Variants in KIF5A observed in about 807,000 individuals in gnomAD.
KIF5A encodes kinesin heavy chain isoform 5A.
Under a neutral mutation model 141.3 loss-of-function variants are expected in KIF5A, and 35 were observed. That is an observed-to-expected ratio of 0.25 (90% CI 0.19 to 0.33). The LOEUF is 0.33. Among genes scored for constraint, KIF5A ranks in the 10% least tolerant of loss-of-function variants. The pLI is 1.00. For synonymous variants in KIF5A, 448 were observed against 500.2 expected, an observed-to-expected ratio of 0.90 and a Z score of 1.39; for missense variants, 861 against 1,314.3, an observed-to-expected ratio of 0.66 and a Z score of 5.33.
chr12:57,577,468 G>A (rs1406430602), intron 20 of KIF5A, among the ~76,000 whole-genome samples: 3 of 152,086 alleles, frequency 2.0e-5, no homozygotes, highest in African/African-American at 7.2e-5. Flanking sequence ...GGTGGCATAC[G>A]TCTGTGGTCC....
At chr12:57,582,075 A>G in intron 26 of KIF5A, 123 bp downstream of exon 26, 1 of 802,266 alleles carries the variant, frequency 1.2e-6, no homozygotes, top group East Asian at 2.7e-5. Context: ...CCAAGGCTTC[A>G]AATAAAAAAA....
chr12:57,581,747 C>G lies in KIF5A; in HGVS notation c.2910-123C>G, dbSNP rs1882609216. On this transcript the variant is annotated intron_variant, in intron 25 of 28. Transcript: ENST00000455537. ...CCAGCCTGTGGCCATGTTTGTTTTC[C>G]TCTGCTCTCTGGGGATGGGGAGGGC... The G allele has an allele frequency of 2.0e-5, 24 of 1,225,036 alleles. No homozygotes were observed. The South Asian group carries it at 2.9e-4, about 15-fold the overall frequency. 75.9% of individuals were successfully genotyped at this position (1,225,036 alleles called of 1,614,324 possible). A position where few individuals can be genotyped will look rare whatever the true frequency, so the allele number is the denominator to read the frequency against.
chr12:57,577,058 G>A (rs978561719), intron 20 of KIF5A, among the ~76,000 whole-genome samples, 196 bp downstream of exon 20: 2 of 152,122 alleles, frequency 1.3e-5, no homozygotes, highest in Non-Finnish European at 2.9e-5. Context: ...TATGGAAGGA[G>A]GTTTACGTGT....
intron 1 of KIF5A, 51 bp from the exon 2 acceptor site, chr12:57,563,388 T>A (rs745360482): frequency 1.5e-6 from 2 of 1,333,986 alleles, no homozygotes; most frequent in Admixed American, 3.4e-5. Flanking sequence ...GGTATTTCTT[T>A]TCCCTCACAT....
chr12:57,569,403 C>T lies in KIF5A; in HGVS notation c.967C>T (p.Arg323Trp), dbSNP rs1012819766. 1.2e-6 allele frequency: 2 copies of T among 1,613,834 alleles called. No homozygotes were observed. The highest frequency in any genetic ancestry group is 8.5e-7 in the Non-Finnish European group (1 of 1,179,978). ...ETKSTLMFGQ[R>W]AKTIKNTASV... is the part of the protein sequence containing the mutation. ...CAAGTCCACCCTGATGTTTGGGCAG[C>T]GGTCAGTGGCAGGGTCCCCAGAGGG... The change falls in exon 10 of 29, where the codon CGG (arginine) becomes TGG (tryptophan). Residue 323 changes from arginine to tryptophan, a missense_variant and splice_region_variant. Physicochemically the swap from Arg to Trp is moderately radical, Grantham distance 101. Around this residue, in one of 5 missense-constraint regions of KIF5A, gnomAD observed 146 missense variants for 353.4 expected, o/e 0.41. Transcript: ENST00000455537.
Position 57,572,034 on chromosome 12 carries a change from C to G in KIF5A, c.1363-27C>G, listed in dbSNP as rs754147377. ...GAAATGGTCACTGGCAGTGATCTTT[C>G]CCACATGCCACTCCTCTCCCTTGAA... On this transcript the variant is annotated intron_variant, in intron 13 of 28. Transcript: ENST00000455537. The surrounding 1 kb of genome is among the most constrained non-coding windows in gnomAD (Gnocchi z 4.2). The G allele has an allele frequency of 1.3e-6, 2 of 1,596,924 alleles. No homozygotes were observed. Among genetic ancestry groups the G allele is most frequent in the African/African-American group, 2.7e-5 (2 of 74,698 alleles).
intron 26 of KIF5A, among the ~76,000 whole-genome samples, 163 bp from the exon 27 acceptor site, chr12:57,582,439 G>A (rs959314243): frequency 8.5e-5 from 13 of 152,048 alleles, no homozygotes; most frequent in African/African-American, 2.2e-4. Context: ...ACTTTTTCTC[G>A]AACAAAATAA....
chr12:57,583,747 T>G (rs1347818425), intron 28 of KIF5A, among the ~76,000 whole-genome samples: 2 of 152,176 alleles, frequency 1.3e-5, no homozygotes, highest in South Asian at 4.1e-4. Context: ...ACGAAATCAG[T>G]CAGCGCTCCC....
chr12:57,571,513 C>A, intron 13 of KIF5A, 124 bp downstream of exon 13: 2 of 892,496 alleles, frequency 2.2e-6, no homozygotes, highest in East Asian at 2.7e-5. Flanking sequence ...AATCACTCCC[C>A]TAAACAGCAG....
Position 57,564,519 on chromosome 12 carries a change from T to C in KIF5A, c.445+11T>C. ...GTGACCTTCTGGATGGTGAGTGTTTTGTCCCAGTGGATGAGGGTGTGTGAG... is the reference window on the plus strand; with the variant it reads ...GTGACCTTCTGGATGGTGAGTGTTTCGTCCCAGTGGATGAGGGTGTGTGAG... On this transcript the variant is annotated intron_variant, in intron 5 of 28. Transcript: ENST00000455537. The C allele has an allele frequency of 6.2e-7, 1 of 1,603,278 alleles. No individual in the cohort carries two copies. Among genetic ancestry groups the C allele is most frequent in the Non-Finnish European group, 8.5e-7 (1 of 1,170,366 alleles).
chr12:57,550,205 C>G lies in KIF5A; in HGVS notation c.-67C>G, dbSNP rs775202083. ...TCCGCCTCGGCCTCTGCTGAGAGCCCTCTCCTCTGGAGCACACACCACCCC... is the reference window on the plus strand; with the variant it reads ...TCCGCCTCGGCCTCTGCTGAGAGCCGTCTCCTCTGGAGCACACACCACCCC... On this transcript the variant is annotated 5_prime_UTR_variant, in exon 1 of 29. Coordinates refer to ENST00000455537, the MANE Select transcript of KIF5A (RefSeq NM_004984.4). This position sits in a 1 kb window ranked among gnomAD's most constrained non-coding sequence, Gnocchi z 4.6. 1.1e-5 allele frequency: 18 copies of G among 1,608,574 alleles called. No individual in the cohort carries two copies. Among genetic ancestry groups the G allele is most frequent in the Non-Finnish European group, 1.5e-5 (18 of 1,177,666 alleles).
chr12:57,555,383 A>G (rs991540181), intron 1 of KIF5A, among the ~76,000 whole-genome samples: 1 of 152,198 alleles, frequency 6.6e-6, no homozygotes, highest in African/African-American at 2.4e-5. Context: ...AAAAAAAATC[A>G]GGCAAAATTA....
intron 1 of KIF5A, among the ~76,000 whole-genome samples, chr12:57,551,212 A>G (rs1881562528): frequency 6.6e-6 from 1 of 152,202 alleles, no homozygotes; most frequent in Non-Finnish European, 1.5e-5. Flanking sequence ...CAAGGAGGAT[A>G]TCTTAAGGGA....
At chr12:57,561,711 T>A (rs753361429) in intron 1 of KIF5A, among the ~76,000 whole-genome samples, 2 of 152,246 alleles carry the variant, frequency 1.3e-5, no homozygotes, top group Non-Finnish European at 2.9e-5. Context: ...GTACATAGTT[T>A]AAAAATGTAA....
chr12:57,581,385 C>T (rs755098421), intron 24 of KIF5A, 30 bp from the exon 25 acceptor site: 19 of 1,612,882 alleles, frequency 1.2e-5, no homozygotes, highest in Non-Finnish European at 1.4e-5. Flanking sequence ...GTCATAGCCT[C>T]CTCATGGTTG....
Position 57,576,783 on chromosome 12 carries a change from G to T in KIF5A, c.2221G>T (p.Glu741Ter). ...TAGCCTAAATCAGAAGCTCCAGTTA[G>T]AGCTAGAGAAGCTTCAGGCTGACTA... The part of the protein sequence containing the change: ...LKDLNQKLQL[E>*]LEKLQADYEK... Residue 741 changes from glutamate (E) to a stop codon, truncating the protein, a stop_gained, in exon 20 of 29, where the codon GAG becomes TAG. Coordinates refer to ENST00000455537, the MANE Select transcript of KIF5A (RefSeq NM_004984.4). LOFTEE classifies it high-confidence loss of function. 2 of 1,613,700 alleles carry T rather than the reference G, an allele frequency of 1.2e-6. No individual in the cohort carries two copies. The highest frequency in any genetic ancestry group is 2.2e-5 in the South Asian group (2 of 91,014).
At chr12:57,573,513 A>G in intron 15 of KIF5A, among the ~76,000 whole-genome samples, 1 of 151,616 alleles carries the variant, frequency 6.6e-6, no homozygotes, top group Non-Finnish European at 1.5e-5. Flanking sequence ...CCTGGGTGAC[A>G]GAGCCAGACC....
intron 15 of KIF5A, among the ~76,000 whole-genome samples, chr12:57,574,581 A>AT (rs11430710): frequency 0.13 from 13,446 of 100,772 alleles, 1,097 homozygotes; most frequent in East Asian, 0.19. Flanking sequence ...CCAGAATTGG[A>AT]TTTTTTTTTT....
At chr12:57,580,254 CTT>C (rs1382760442) in intron 23 of KIF5A, among the ~76,000 whole-genome samples, 1 of 152,174 alleles carries the variant, frequency 6.6e-6, no homozygotes, top group Non-Finnish European at 1.5e-5. Flanking sequence ...ATCAGGAAGT[CTT>C]TTCGGGCTGC....
Sources: gnomAD v4.1 joint callset for allele counts (sites outside exome capture counted in the v4.1 genomes callset) on GRCh38, gnomAD v4.1.1 for gene constraint, gnomAD v4.1.1 regional missense constraint, Gnocchi (gnomAD v3.1) non-coding constraint, MANE v1.5 for transcripts, NCBI Gene and HGNC (gene_info 2026-07-23, HGNC 2026-07-21) for gene names.